PTPN12: variants seen among roughly 807,000 people sequenced by gnomAD.
The protein encoded by PTPN12 is protein tyrosine phosphatase non-receptor type 12.
Under a neutral mutation model 97.6 loss-of-function variants are expected in PTPN12, and 29 were observed. That is an observed-to-expected ratio of 0.30 (90% CI 0.22 to 0.41). The LOEUF (loss-of-function observed/expected upper bound fraction) is 0.41, where lower values mean the gene tolerates loss of function less well. Among genes scored for constraint, PTPN12 ranks in the 10% least tolerant of loss-of-function variants. The pLI is 1.00. For missense variants in PTPN12, 819 were observed against 926.0 expected (o/e 0.88, Z 1.50); for synonymous variants, 327 against 300.4 (o/e 1.09, Z -0.91).
rs1041959 is a variant in PTPN12 at position 77,537,586 on chromosome 7, G to T, written c.40G>T (p.Val14Phe). 1.2e-6 allele frequency: 2 copies of T among 1,604,400 alleles called. No homozygotes were observed. The highest frequency in any genetic ancestry group is 1.7e-6 in the Non-Finnish European group (2 of 1,176,424). The change falls in exon 1 of 18, where the codon GTC becomes TTC. Residue 14 changes from valine (V) to phenylalanine (F), a missense_variant. Physicochemically the swap from Val to Phe is conservative, Grantham distance 50 (BLOSUM62 -1). Around this residue, in one of 5 missense-constraint regions of PTPN12, gnomAD observed 59 missense variants for 42.2 expected, o/e 1.40. Transcript: ENST00000248594. ...VEILRKFIQRVQAMKSPDHNG... is the reference protein window; with the variant it reads ...VEILRKFIQRFQAMKSPDHNG... ...GATCCTGAGGAAATTCATCCAGAGG[G>T]TCCAGGCCATGAAGAGTCCTGACCA...
At chr7:77,540,861 G>A (rs560931343) in intron 1 of PTPN12, among the ~76,000 whole-genome samples, 1 of 152,184 alleles carries the variant, frequency 6.6e-6, no homozygotes, top group East Asian at 1.9e-4. Context: ...TTTTATGACT[G>A]AGCCTTAGAG....
chr7:77,575,975 C>T (rs1422087338), intron 2 of PTPN12, among the ~76,000 whole-genome samples: 1 of 152,118 alleles, frequency 6.6e-6, no homozygotes, highest in Non-Finnish European at 1.5e-5. Context: ...TCTCAGCCTC[C>T]TGAGTAGCTG....
intron 13 of PTPN12, among the ~76,000 whole-genome samples, chr7:77,629,903 G>A (rs1188240667): frequency 6.7e-6 from 1 of 149,630 alleles, no homozygotes; most frequent in Non-Finnish European, 1.5e-5. Flanking sequence ...ATTGCGTCCC[G>A]GCACTCTGCC....
intron 12 of PTPN12, among the ~76,000 whole-genome samples, chr7:77,621,914 A>G (rs1788951963): frequency 1.3e-5 from 2 of 152,224 alleles, no homozygotes; most frequent in African/African-American, 4.8e-5. Flanking sequence ...GAAACGTCAC[A>G]TGACTGTACA....
Position 77,545,498 on chromosome 7 carries a change from TATG to T in PTPN12, c.99+7856_99+7858del, listed in dbSNP as rs374541435. Among the ~76,000 whole-genome samples the T allele has an allele frequency of 7.4e-3, 1,121 of 152,252 alleles. 17 individuals carry two copies. Among genetic ancestry groups the T allele is most frequent in the African/African-American group, 0.025 (1,023 of 41,556 alleles). ...GTATTTTGAAAGTCAATTCAAAACA[TATG>T]ATCCAAGTGCTGCTCCTTTTTCAAA... On this transcript the variant is annotated intron_variant, in intron 1 of 17. Transcript: ENST00000248594.
At chr7:77,604,888 C>T (rs1788310137) in intron 8 of PTPN12, 1 of 434,522 alleles carries the variant, frequency 2.3e-6, no homozygotes, top group Non-Finnish European at 4.7e-6. Context: ...GCTAACTTCT[C>T]CTTTGCCACT....
Position 77,627,276 on chromosome 7 carries a change from C to T in PTPN12, c.1597C>T (p.His533Tyr). 1 of 1,614,144 alleles carries T rather than the reference C, an allele frequency of 6.2e-7. No homozygotes were observed. The highest frequency in any genetic ancestry group is 8.5e-7 in the Non-Finnish European group (1 of 1,180,008). Reference protein sequence around the residue: ...PDRLPLDEKGHVTWSFHGPEN... With the variant: ...PDRLPLDEKGYVTWSFHGPEN... ...CCGCTTGCCTCTTGATGAGAAAGGA[C>T]ATGTAACGTGGTCATTTCATGGACC... The change falls in exon 13 of 18, where the codon CAT becomes TAT. Residue 533 changes from histidine (H) to tyrosine (Y), a missense_variant. Around this residue, in one of 5 missense-constraint regions of PTPN12, gnomAD observed 607 missense variants for 577.3 expected, o/e 1.05. Coordinates refer to ENST00000248594, the MANE Select transcript of PTPN12 (RefSeq NM_002835.4).
At position 77,639,414 on chromosome 7, in the gene PTPN12, G is replaced by A. The variant is rs531651120; in HGVS notation, c.*134G>A. On this transcript the variant is annotated 3_prime_UTR_variant, in exon 18 of 18. Coordinates refer to ENST00000248594, the MANE Select transcript of PTPN12 (RefSeq NM_002835.4). The stretch of plus-strand genomic sequence containing the variant: ...TTGTTACCTTAATATTTTTTGCTGG[G>A]ACCATCTACCTGCCTTATACTACAC... 1.5e-5 allele frequency: 10 copies of A among 678,428 alleles called. No individual in the cohort carries two copies. In the East Asian group the frequency reaches 1.7e-4, roughly 11 times the overall value. The allele number at this position is 678,428 out of a possible 1,614,324, so 42.0% of individuals were successfully genotyped here.
chr7:77,608,818 A>G lies in PTPN12; in HGVS notation c.762+1517A>G, dbSNP rs1788461902. Among the ~76,000 whole-genome samples, 2 of 152,210 alleles carry G rather than the reference A, an allele frequency of 1.3e-5. 1 individual carries two copies. The highest frequency in any genetic ancestry group is 4.1e-4 in the South Asian group (2 of 4,830). ...AAAATGCTTAAGTGAACAAAATTTA[A>G]CTGGAATTCGATCACATTTTAACAT... is the stretch of plus-strand genomic sequence containing the variant. On this transcript the variant is annotated intron_variant, in intron 9 of 17. Transcript: ENST00000248594.
intron 13 of PTPN12, among the ~76,000 whole-genome samples, chr7:77,629,783 G>C (rs138003578): frequency 6.6e-6 from 1 of 151,898 alleles, no homozygotes; most frequent in African/African-American, 2.4e-5. Context: ...CTCTACAAAA[G>C]ATAAAAAACT....
intron 1 of PTPN12, among the ~76,000 whole-genome samples, chr7:77,555,207 G>T (rs368560512): frequency 6.7e-6 from 1 of 150,330 alleles, no homozygotes; most frequent in Non-Finnish European, 1.5e-5. Flanking sequence ...CTTTTTAAAC[G>T]ATTTGTTTAT....
chr7:77,627,793 C>T (rs1789254400), intron 13 of PTPN12, 118 bp downstream of exon 13: 1 of 1,006,238 alleles, frequency 9.9e-7, no homozygotes, highest in African/African-American at 1.6e-5. Context: ...GAACCTACAG[C>T]AAAATCTGTC....
chr7:77,601,911 T>C (rs1788199806), intron 8 of PTPN12, among the ~76,000 whole-genome samples: 1 of 152,210 alleles, frequency 6.6e-6, no homozygotes, highest in Non-Finnish European at 1.5e-5. Flanking sequence ...TTATGTTTTA[T>C]AGTAGATTAC....
At chr7:77,629,977 A>G (rs990200358) in intron 13 of PTPN12, among the ~76,000 whole-genome samples, 3 of 151,852 alleles carry the variant, frequency 2.0e-5, no homozygotes, top group Admixed American at 6.6e-5. Context: ...TATAGCTAAA[A>G]GCACCCTACT....
chr7:77,565,194 A>G (rs891043676), intron 1 of PTPN12, among the ~76,000 whole-genome samples: 6 of 152,244 alleles, frequency 3.9e-5, no homozygotes, highest in Non-Finnish European at 8.8e-5. Flanking sequence ...AAGGAATTTC[A>G]GTTAGCTTAA....
chr7:77,555,893 C>T (rs1807688716), intron 1 of PTPN12, among the ~76,000 whole-genome samples: 1 of 151,528 alleles, frequency 6.6e-6, no homozygotes, highest in African/African-American at 2.4e-5. Flanking sequence ...CCAGCCTGGG[C>T]GACAGGGCGA....
intron 1 of PTPN12, among the ~76,000 whole-genome samples, chr7:77,538,475 G>C (rs1584075516): frequency 6.6e-6 from 1 of 152,072 alleles, no homozygotes; most frequent in South Asian, 2.1e-4. Flanking sequence ...AATAGTCCTG[G>C]TGGGGCGGAG....
intron 1 of PTPN12, among the ~76,000 whole-genome samples, chr7:77,554,002 A>C (rs1807591498): frequency 6.6e-6 from 1 of 151,650 alleles, no homozygotes; most frequent in African/African-American, 2.4e-5. Context: ...GGTGTCGCTT[A>C]GTTGCTTAGG....
rs1789695222 is a variant in PTPN12, at chr7:77,638,713, A to G, written c.2263A>G (p.Thr755Ala). 3.1e-6 allele frequency: 5 copies of G among 1,604,170 alleles called. No homozygotes were observed. Among genetic ancestry groups the G allele is most frequent in the South Asian group, 1.1e-5 (1 of 89,088 alleles). The change falls in exon 17 of 18, where the codon ACA (threonine) becomes GCA (alanine). Residue 755 changes from threonine to alanine, a missense_variant. Thr to Ala is a moderately conservative substitution (Grantham distance 58). Around this residue, in one of 5 missense-constraint regions of PTPN12, gnomAD observed 607 missense variants for 577.3 expected, o/e 1.05. Coordinates refer to ENST00000248594, the MANE Select transcript of PTPN12 (RefSeq NM_002835.4). Reference protein sequence around the residue: ...DKREQISENPTEATDIGFGNR... With the variant: ...DKREQISENPAEATDIGFGNR... Reference sequence around the variant, plus strand: ...GAGAGAACAAATATCAGAAAATCCAACAGAAGCCACAGATATTGGTAATTT... The same window carrying G: ...GAGAGAACAAATATCAGAAAATCCAGCAGAAGCCACAGATATTGGTAATTT...
Sources: gnomAD v4.1 joint callset for allele counts (sites outside exome capture counted in the v4.1 genomes callset) on GRCh38, gnomAD v4.1.1 for gene constraint, gnomAD v4.1.1 regional missense constraint, MANE v1.5 for transcripts, NCBI Gene and HGNC (gene_info 2026-07-23, HGNC 2026-07-21) for gene names.